Variants in EPB41L4A observed in about 807,000 individuals in gnomAD.
The protein encoded by EPB41L4A is erythrocyte membrane protein band 4.1 like 4A, also known as band 4.1-like protein 4A.
A neutral mutation model predicts 108.6 loss-of-function variants in EPB41L4A; 100 were observed. That is an observed-to-expected ratio of 0.92 (90% CI 0.78 to 1.09). The LOEUF is 1.09. Among genes scored for constraint, EPB41L4A ranks in the 50% least tolerant of loss-of-function variants. EPB41L4A has a pLI of 0.00. For missense variants in EPB41L4A, 1,030 were observed against 842.7 expected (o/e 1.22, Z -2.75); for synonymous variants, 319 against 289.0 (o/e 1.10, Z -1.05).
chr5:112,323,107 G>A (rs911081359), intron 1 of EPB41L4A, among the ~76,000 whole-genome samples: 15 of 152,182 alleles, frequency 9.9e-5, no homozygotes, highest in African/African-American at 3.4e-4. Context: ...AACATTGTAG[G>A]TAAAAATATC....
At chr5:112,408,298 T>C (rs1171313226) in intron 1 of EPB41L4A, among the ~76,000 whole-genome samples, 2 of 152,102 alleles carry the variant, frequency 1.3e-5, no homozygotes, top group African/African-American at 4.8e-5. Context: ...GGTTAGGCAA[T>C]GGTTTCTCAG....
intron 1 of EPB41L4A, among the ~76,000 whole-genome samples, chr5:112,371,368 T>C (rs546928825): frequency 6.6e-6 from 1 of 152,322 alleles, no homozygotes; most frequent in African/African-American, 2.4e-5. Context: ...TTGGTTAAAA[T>C]ACTGGACAGG....
chr5:112,379,244 A>G (rs1760016938), intron 1 of EPB41L4A, among the ~76,000 whole-genome samples: 1 of 152,204 alleles, frequency 6.6e-6, no homozygotes, highest in African/African-American at 2.4e-5. Flanking sequence ...AGTTTTTTAA[A>G]CGCTTCCTTT....
chr5:112,280,659 G>A (rs542926290), intron 2 of EPB41L4A, among the ~76,000 whole-genome samples: 1 of 152,266 alleles, frequency 6.6e-6, no homozygotes, highest in Non-Finnish European at 1.5e-5. Context: ...AAAATACAAA[G>A]AGAAAGATGA....
chr5:112,261,800 T>TG (rs1751504879), intron 7 of EPB41L4A, among the ~76,000 whole-genome samples: 1 of 152,168 alleles, frequency 6.6e-6, no homozygotes, highest in Admixed American at 6.6e-5. Flanking sequence ...ACCTGGCAAG[T>TG]GATTGTATTT....
downstream of EPB41L4A, chr5:112,161,270 G>C: frequency 3.0e-6 from 1 of 332,908 alleles, no homozygotes; most frequent in Non-Finnish European, 5.9e-6. Flanking sequence ...TGCGGTGCTC[G>C]TCGGGAGTGA....
At chr5:112,200,854 C>G (rs905230674) in intron 15 of EPB41L4A, among the ~76,000 whole-genome samples, 1 of 152,190 alleles carries the variant, frequency 6.6e-6, no homozygotes, top group African/African-American at 2.4e-5. Flanking sequence ...GACCACTATT[C>G]TGGACTCGGC....
At chr5:112,313,516 G>A (rs553512062) in intron 1 of EPB41L4A, among the ~76,000 whole-genome samples, 24 of 152,200 alleles carry the variant, frequency 1.6e-4, no homozygotes, top group East Asian at 1.2e-3. Context: ...GCTTGAACCC[G>A]GGAGGTGGAG....
At chr5:112,231,810 AAAAAAAG>A (rs1224522425) in intron 12 of EPB41L4A, among the ~76,000 whole-genome samples, 2 of 147,742 alleles carry the variant, frequency 1.4e-5, no homozygotes, top group Non-Finnish European at 3.0e-5. Flanking sequence ...AAAAAAAAAA[AAAAAAAG>A]GATCCACCTG....
intron 13 of EPB41L4A, chr5:112,205,900 A>G (rs1762450012): frequency 5.6e-6 from 1 of 179,844 alleles, no homozygotes; most frequent in Admixed American, 5.9e-5. Flanking sequence ...TGATCAGAGA[A>G]GCCCTTACTC....
chr5:112,331,304 C>T (rs904544011), intron 1 of EPB41L4A, among the ~76,000 whole-genome samples: 2 of 152,212 alleles, frequency 1.3e-5, no homozygotes, highest in African/African-American at 4.8e-5. Flanking sequence ...CCAACCCGTC[C>T]TCTCCTACAA....
At chr5:112,328,544 CCCAGAGTTGATTAATAA>C (rs2150654673) in intron 1 of EPB41L4A, among the ~76,000 whole-genome samples, 1 of 152,132 alleles carries the variant, frequency 6.6e-6, no homozygotes, top group African/African-American at 2.4e-5. Flanking sequence ...AGAAACTTGC[CCCAGAGTTGATTAATAA>C]CCAGAGTGGA....
At chr5:112,331,737 G>A (rs530132720) in intron 1 of EPB41L4A, among the ~76,000 whole-genome samples, 34 of 152,332 alleles carry the variant, frequency 2.2e-4, no homozygotes, top group African/African-American at 7.2e-4. Context: ...GGAGTTGGGA[G>A]GCAAGGGCCC....
At chr5:112,273,669 A>G (rs186288874) in intron 4 of EPB41L4A, among the ~76,000 whole-genome samples, 42 of 152,348 alleles carry the variant, frequency 2.8e-4, no homozygotes, top group Middle Eastern at 3.4e-3. Context: ...CAGTTTTACA[A>G]CTGAGGACAC....
intron 15 of EPB41L4A, among the ~76,000 whole-genome samples, chr5:112,196,011 T>C (rs1761950045): frequency 6.6e-6 from 1 of 152,212 alleles, no homozygotes; most frequent in South Asian, 2.1e-4. Flanking sequence ...TCTGCCATAG[T>C]GGAACTGACA....
intron 1 of EPB41L4A, among the ~76,000 whole-genome samples, chr5:112,353,761 A>G (rs1419819935): frequency 1.3e-5 from 2 of 152,184 alleles, no homozygotes; most frequent in African/African-American, 4.8e-5. Context: ...GTCCCCAAAC[A>G]GCACACTTGG....
At chr5:112,381,214 TGA>T (rs1760157463) in intron 1 of EPB41L4A, among the ~76,000 whole-genome samples, 1 of 152,160 alleles carries the variant, frequency 6.6e-6, no homozygotes, top group South Asian at 2.1e-4. Context: ...TTAAATCAAA[TGA>T]GATATTAAAA....
At position 112,392,499 on chromosome 5, in the gene EPB41L4A, T is replaced by C. The variant is rs145235954; in HGVS notation, c.99+26442A>G. Among the ~76,000 whole-genome samples the C allele has an allele frequency of 4.5e-3, 675 of 150,124 alleles. 13 individuals are homozygous for C. Among genetic ancestry groups the C allele is most frequent in the Admixed American group, 0.031 (466 of 15,062 alleles). On this transcript the variant is annotated intron_variant, in intron 1 of 22. Transcript: ENST00000261486. ...AGATCAAAAGAAACACAGAAGGCCA[T>C]TACATAATGGTAAAGGGATCAATTC...
chr5:112,165,268 C>A, intron 22 of EPB41L4A, 150 bp from the exon 23 acceptor site: 2 of 613,196 alleles, frequency 3.3e-6, no homozygotes, highest in African/African-American at 3.7e-5. Flanking sequence ...AATAAATGTT[C>A]CCTCTAAATA....
Sources: gnomAD v4.1 joint callset for allele counts (sites outside exome capture counted in the v4.1 genomes callset) on GRCh38, gnomAD v4.1.1 for gene constraint, MANE v1.5 for transcripts, NCBI Gene and HGNC (gene_info 2026-07-23, HGNC 2026-07-21) for gene names.